The following MAEA variants were observed in gnomAD, a reference collection of about 807,000 sequenced individuals.
The protein encoded by MAEA is macrophage erythroblast attacher, E3 ubiquitin ligase.
Under a neutral mutation model 46.2 loss-of-function variants are expected in MAEA, and 22 were observed. That is an observed-to-expected ratio of 0.48 (90% CI 0.34 to 0.68). The LOEUF (loss-of-function observed/expected upper bound fraction) is 0.68, where lower values mean the gene tolerates loss of function less well. Ranked by LOEUF, MAEA falls within the 30% of genes least tolerant of loss-of-function variation. The pLI is 0.01. For missense variants in MAEA, 393 were observed against 558.1 expected (o/e 0.70, Z 2.98); for synonymous variants, 246 against 222.6 (o/e 1.11, Z -0.94).
intron 1 of MAEA, among the ~76,000 whole-genome samples, chr4:1,303,559 C>T (rs77360611): frequency 0.022 from 3,285 of 152,152 alleles, 120 homozygotes; most frequent in African/African-American, 0.072. Flanking sequence ...ACCTGGTAAA[C>T]ATGCTAAGTG....
chr4:1,328,784 C>T (rs1739168103), intron 5 of MAEA: 3 of 1,109,024 alleles, frequency 2.7e-6, no homozygotes, highest in African/African-American at 1.7e-5. Flanking sequence ...GGGTCCTGCT[C>T]CGGCTCCTGA....
intron 1 of MAEA, among the ~76,000 whole-genome samples, chr4:1,305,755 G>A (rs2108887400): frequency 7.7e-6 from 1 of 129,334 alleles, no homozygotes; most frequent in East Asian, 2.0e-4. Context: ...GTGCGTGCGT[G>A]CACGTGCGCA....
chr4:1,309,410 C>A (rs1032723387), intron 1 of MAEA: 17 of 1,268,474 alleles, frequency 1.3e-5, no homozygotes, highest in South Asian at 8.9e-5. Flanking sequence ...CGTGCTGAGT[C>A]CCCCGGAAGA....
At chr4:1,300,072 C>T (rs970513800) in intron 1 of MAEA, 5 of 152,314 alleles carry the variant, frequency 3.3e-5, no homozygotes, top group Non-Finnish European at 5.9e-5. Context: ...AATAACGGGG[C>T]ATACAGTAAG....
chr4:1,309,962 C>G, intron 1 of MAEA: 5 of 1,250,338 alleles, frequency 4.0e-6, no homozygotes, highest in South Asian at 6.6e-5. Context: ...TCCAGAGAGG[C>G]CTTTCCTTTT....
intron 1 of MAEA, among the ~76,000 whole-genome samples, chr4:1,294,348 G>C (rs374669504): frequency 2.6e-5 from 4 of 152,340 alleles, no homozygotes; most frequent in African/African-American, 9.6e-5. Flanking sequence ...CTGAGATAAG[G>C]ATGTAGACTT....
chr4:1,334,404 C>T (rs540507997), intron 6 of MAEA, among the ~76,000 whole-genome samples: 1 of 152,220 alleles, frequency 6.6e-6, no homozygotes, highest in East Asian at 1.9e-4. Context: ...TCTCCTGGTT[C>T]TCAGGCGTTT....
At chr4:1,294,949 TAGGCACAC>T (rs944477345) in intron 1 of MAEA, among the ~76,000 whole-genome samples, 18 of 152,144 alleles carry the variant, frequency 1.2e-4, no homozygotes, top group Non-Finnish European at 1.9e-4. Flanking sequence ...CTCACCCCAG[TAGGCACAC>T]AGGCACACAG....
chr4:1,301,763 A>C (rs1258060475), intron 1 of MAEA, among the ~76,000 whole-genome samples: 2 of 152,246 alleles, frequency 1.3e-5, no homozygotes, highest in Non-Finnish European at 2.9e-5. Context: ...GACACAGACA[A>C]AATGTGTAGA....
chr4:1,334,044 GCTCACCCCTGCACCCACCCCCA>G (rs1202776567), intron 6 of MAEA, among the ~76,000 whole-genome samples: 3 of 33,240 alleles, frequency 9.0e-5, no homozygotes, highest in African/African-American at 4.9e-4. Context: ...CCCACCATGT[GCTCACCCCTGCACCCACCCCCA>G]TGCCCGTGTG....
chr4:1,311,372 A>G lies in MAEA; in HGVS notation c.70-607A>G, dbSNP rs777821501. The stretch of plus-strand genomic sequence containing the variant: ...TCTCTCAGAGGGACAGAAAACTAAC[A>G]ACGACTTTAAGATTCTCCTTGATTG... On this transcript the variant is annotated intron_variant, in intron 1 of 8. Coordinates refer to ENST00000303400, the MANE Select transcript of MAEA (RefSeq NM_001017405.3). The surrounding 1 kb of genome is among the most constrained non-coding windows in gnomAD (Gnocchi z 4.4). 3.9e-5 allele frequency among the ~76,000 whole-genome samples: 6 copies of G among 152,234 alleles called. No homozygotes were observed. Among genetic ancestry groups the G allele is most frequent in the Non-Finnish European group, 7.3e-5 (5 of 68,040 alleles).
intron 5 of MAEA, chr4:1,331,505 C>G (rs570680799): frequency 6.6e-6 from 1 of 152,608 alleles, no homozygotes; most frequent in Admixed American, 6.5e-5. Flanking sequence ...CCAGTCTCTG[C>G]GAGACACTGC....
chr4:1,308,323 A>G (rs555412833), intron 1 of MAEA, among the ~76,000 whole-genome samples: 10 of 152,206 alleles, frequency 6.6e-5, no homozygotes, highest in Non-Finnish European at 1.5e-4. Context: ...AAATGTCGTT[A>G]TGTGGTGTGT....
intron 3 of MAEA, among the ~76,000 whole-genome samples, chr4:1,318,749 TC>T (rs1000324120): frequency 7.9e-5 from 12 of 152,290 alleles, no homozygotes; most frequent in African/African-American, 2.9e-4. Context: ...GACCTGGACT[TC>T]CTGTAGGGGG....
chr4:1,309,439 G>T, intron 1 of MAEA: 3 of 1,283,138 alleles, frequency 2.3e-6, no homozygotes, highest in Non-Finnish European at 3.0e-6. Flanking sequence ...TGCTTTCCGG[G>T]GCTGGCCTGG....
At position 1,332,846 on chromosome 4, in the gene MAEA, C is replaced by T. The variant is rs1560386160; in HGVS notation, c.746C>T (p.Thr249Met). Residue 249 changes from threonine to methionine, a missense_variant, in exon 6 of 9, where the codon ACG (threonine) becomes ATG (methionine). By Grantham distance (81) the Thr-to-Met change is moderately conservative. Around this residue, in one of 2 missense-constraint regions of MAEA, gnomAD observed 358 missense variants for 537.9 expected, o/e 0.67. Transcript: ENST00000303400. The stretch of plus-strand genomic sequence containing the variant: ...GGCATGCTGGCCTTCCCGCCCGACA[C>T]GCACATCTCCCCGTACAAGGTAGGG... ...AMGMLAFPPDTHISPYKDLLD... is the reference protein window; with the variant it reads ...AMGMLAFPPDMHISPYKDLLD... The T allele has an allele frequency of 6.8e-6, 11 of 1,612,874 alleles. No individual in the cohort carries two copies. The highest frequency in any genetic ancestry group is 8.5e-6 in the Non-Finnish European group (10 of 1,179,632).
At chr4:1,325,040 A>G (rs1000714192) in intron 4 of MAEA, among the ~76,000 whole-genome samples, 6 of 152,184 alleles carry the variant, frequency 3.9e-5, no homozygotes, top group African/African-American at 1.4e-4. Context: ...ACACGAAAAC[A>G]TGCCCGGTAC....
intron 1 of MAEA, chr4:1,298,081 T>C (rs1272513765): frequency 2.2e-6 from 1 of 456,232 alleles, no homozygotes; most frequent in Non-Finnish European, 4.4e-6. Flanking sequence ...AGCATAGCCA[T>C]GCTTCTTGAG....
intron 4 of MAEA, among the ~76,000 whole-genome samples, chr4:1,326,593 T>A (rs1738849032): frequency 6.6e-6 from 1 of 152,146 alleles, no homozygotes; most frequent in South Asian, 2.1e-4. Flanking sequence ...GGCAGACACA[T>A]GTGGGACTTG....
Sources: allele counts gnomAD v4.1 joint callset (sites outside exome capture counted in the v4.1 genomes callset), GRCh38; gene constraint gnomAD v4.1.1; regional missense constraint gnomAD v4.1.1; non-coding constraint Gnocchi (gnomAD v3.1); transcripts MANE v1.5; gene names NCBI Gene and HGNC (gene_info 2026-07-23, HGNC 2026-07-21).